Variants in NME5 observed in about 807,000 individuals in gnomAD.
NME5 encodes nucleoside diphosphate kinase 5.
NME5 carries 18 observed loss-of-function variants against 21.6 expected under a neutral mutation model. That is an observed-to-expected ratio of 0.83 (90% CI 0.58 to 1.24). The LOEUF is 1.24. NME5 is among the 50% of genes most tolerant of loss of function. NME5 has a pLI of 0.00. For missense variants in NME5, 223 were observed against 255.4 expected (o/e 0.87, Z 0.86); for synonymous variants, 70 against 80.6 (o/e 0.87, Z 0.71).
intron 2 of NME5, among the ~76,000 whole-genome samples, chr5:138,131,419 C>T (rs1281496720): frequency 1.3e-5 from 2 of 150,498 alleles, no homozygotes; most frequent in African/African-American, 4.9e-5. Flanking sequence ...CGTGGTGGTG[C>T]ATGTCTGTAA....
Position 138,128,533 on chromosome 5 carries a change from C to T in NME5, c.382G>A (p.Gly128Arg). Residue 128 changes from glycine to arginine, a missense_variant, in exon 4 of 6, where the codon GGG becomes AGG. Transcript: ENST00000265191. ...TCCGCAGCAGCAAAGTCATTACTCC[C>T]ATGAAGTGCATTCCTTAGGTCATCT... is the stretch of plus-strand genomic sequence containing the variant. ...GTDDLRNALH[G>R]SNDFAAAERE... 6.2e-7 allele frequency: 1 copy of T among 1,612,990 alleles called. No individual in the cohort carries two copies.
At chr5:138,132,117 T>C (rs1342295581) in intron 2 of NME5, among the ~76,000 whole-genome samples, 1 of 152,210 alleles carries the variant, frequency 6.6e-6, no homozygotes, top group Non-Finnish European at 1.5e-5. Flanking sequence ...CCCAGCACTC[T>C]GGGAGACCGA....
intron 4 of NME5, among the ~76,000 whole-genome samples, chr5:138,123,548 T>A (rs1336837872): frequency 6.6e-6 from 1 of 152,202 alleles, no homozygotes; most frequent in Admixed American, 6.6e-5. Context: ...CAGAATCTCT[T>A]CCTTTTTAAG....
intron 4 of NME5, among the ~76,000 whole-genome samples, chr5:138,122,575 T>C (rs1751311481): frequency 6.6e-6 from 1 of 151,814 alleles, no homozygotes; most frequent in African/African-American, 2.4e-5. Context: ...ACACAATTAA[T>C]GTATACAATT....
intron 4 of NME5, among the ~76,000 whole-genome samples, chr5:138,125,106 G>A (rs1242326338): frequency 6.6e-6 from 1 of 151,874 alleles, no homozygotes; most frequent in African/African-American, 2.4e-5. Context: ...ATTTTTTGTA[G>A]AGATGAGATC....
chr5:138,117,204 C>CAAAAAAAAAAAAAAA (rs34623624), intron 5 of NME5, among the ~76,000 whole-genome samples: 1 of 63,574 alleles, frequency 1.6e-5, no homozygotes, highest in Non-Finnish European at 2.8e-5. Flanking sequence ...GACCCTGTCT[C>CAAAAAAAAAAAAAAA]AAAAAAAAAA....
chr5:138,125,996 C>T (rs924926526), intron 4 of NME5, among the ~76,000 whole-genome samples: 2 of 152,176 alleles, frequency 1.3e-5, no homozygotes, highest in African/African-American at 4.8e-5. Flanking sequence ...TAAAGTTTTG[C>T]ACATAGTTGT....
intron 4 of NME5, among the ~76,000 whole-genome samples, chr5:138,123,878 G>A (rs1245067201): frequency 6.6e-6 from 1 of 150,788 alleles, no homozygotes; most frequent in Non-Finnish European, 1.5e-5. Context: ...CTATATGCTT[G>A]CCAATATTTA....
chr5:138,121,181 A>G (rs1031421340), intron 4 of NME5, among the ~76,000 whole-genome samples: 1 of 151,874 alleles, frequency 6.6e-6, no homozygotes, highest in African/African-American at 2.4e-5. Flanking sequence ...AGATATATAT[A>G]TATATCATTT....
intron 5 of NME5, among the ~76,000 whole-genome samples, chr5:138,116,902 A>G (rs1002051678): frequency 2.6e-5 from 4 of 152,166 alleles, no homozygotes; most frequent in African/African-American, 9.7e-5. Context: ...ACCTAAATAT[A>G]AGAGCTTAAA....
At chr5:138,119,226 GAC>G (rs143655343) in intron 4 of NME5, among the ~76,000 whole-genome samples, 20,317 of 151,862 alleles carry the variant, frequency 0.13, 1,628 homozygotes, top group South Asian at 0.22. Flanking sequence ...TATTTTTTGA[GAC>G]AGAGTCTCGC....
chr5:138,122,463 A>AAAAAAAAAG (rs1196337031), intron 4 of NME5, among the ~76,000 whole-genome samples: 6 of 149,118 alleles, frequency 4.0e-5, no homozygotes, highest in Admixed American at 6.7e-5. Flanking sequence ...AAAAAAAAAA[A>AAAAAAAAAG]AAAAAATTGT....
At chr5:138,135,539 T>C (rs1285224029) in intron 2 of NME5, among the ~76,000 whole-genome samples, 4 of 151,784 alleles carry the variant, frequency 2.6e-5, no homozygotes, top group Admixed American at 6.6e-5. Flanking sequence ...TTCACCATGT[T>C]GGTCAGGCTG....
intron 4 of NME5, among the ~76,000 whole-genome samples, chr5:138,122,441 T>TAAAA (rs70979581): frequency 5.8e-4 from 20 of 34,462 alleles, no homozygotes; most frequent in African/African-American, 1.2e-3. Flanking sequence ...ACTCTGTCTC[T>TAAAA]AAAAAAAAAA....
At chr5:138,125,475 G>A (rs11738864) in intron 4 of NME5, among the ~76,000 whole-genome samples, 34,425 of 152,004 alleles carry the variant, frequency 0.23, 4,371 homozygotes, top group African/African-American at 0.32. Context: ...GCTACTCAAG[G>A]GGCTGAGGTA....
rs201293164 is a variant in NME5 at position 138,129,236 on chromosome 5, T to C, written c.335+27A>G. On this transcript the variant is annotated intron_variant, in intron 3 of 5. Transcript: ENST00000265191. Reference sequence around the variant, plus strand: ...ATTTTCACAGATGGATTCCATTCCCTGCCATCCCCCAAACCCTGAAAATTA... The same window carrying C: ...ATTTTCACAGATGGATTCCATTCCCCGCCATCCCCCAAACCCTGAAAATTA... 1.8e-3 allele frequency: 2,646 copies of C among 1,481,322 alleles called. 9 individuals carry two copies. The highest frequency in any genetic ancestry group is 2.2e-3 in the Non-Finnish European group (2,311 of 1,060,786). 91.8% of individuals were successfully genotyped at this position (1,481,322 alleles called of 1,614,324 possible). A position where few individuals can be genotyped will look rare whatever the true frequency, so the allele number is the denominator to read the frequency against.
intron 4 of NME5, among the ~76,000 whole-genome samples, chr5:138,125,386 T>C (rs902999871): frequency 3.9e-5 from 6 of 152,132 alleles, no homozygotes; most frequent in African/African-American, 1.4e-4. Context: ...GAGACCAGCC[T>C]GGGTAATGTA....
rs762038382 is a variant in NME5, at chr5:138,138,661, G to C, written c.120C>G (p.Thr40=). Residue 40 remains threonine, a synonymous_variant, in exon 2 of 6, where the codon ACC becomes ACG. Coordinates refer to ENST00000265191, the MANE Select transcript of NME5 (RefSeq NM_003551.3). ...CATACCCAGAAGTTACCTGAACAATGGTGAATCCGGATCTAAGAATAATAT... is the reference window on the plus strand; with the variant it reads ...CATACCCAGAAGTTACCTGAACAATCGTGAATCCGGATCTAAGAATAATAT... ...IQDIILRSGF[T]IVQRRKLRLS... 6.2e-7 allele frequency: 1 copy of C among 1,610,700 alleles called. No individual in the cohort carries two copies. The highest frequency in any genetic ancestry group is 8.5e-7 in the Non-Finnish European group (1 of 1,179,054).
chr5:138,135,040 C>A (rs1328887070), intron 2 of NME5, among the ~76,000 whole-genome samples: 1 of 146,486 alleles, frequency 6.8e-6, no homozygotes, highest in African/African-American at 2.5e-5. Flanking sequence ...CTTTTTTGGC[C>A]GGGCATAGTG....
Sources: gnomAD v4.1 joint callset for allele counts (sites outside exome capture counted in the v4.1 genomes callset) on GRCh38, gnomAD v4.1.1 for gene constraint, MANE v1.5 for transcripts, NCBI Gene and HGNC (gene_info 2026-07-23, HGNC 2026-07-21) for gene names.